Variants in WDR41 observed in about 807,000 individuals in gnomAD.
WDR41 encodes the protein WD repeat domain 41.
A neutral mutation model predicts 69.3 loss-of-function variants in WDR41; 63 were observed. The observed-to-expected ratio is 0.91, with a 90% confidence interval of 0.74 to 1.12. The LOEUF (loss-of-function observed/expected upper bound fraction) is 1.12. WDR41 is among the 50% of genes most tolerant of loss of function. WDR41 has a pLI of 0.00. For synonymous variants in WDR41, 185 were observed against 192.1 expected (o/e 0.96, Z 0.31); for missense variants, 543 against 534.5 (o/e 1.02, Z -0.16).
At chr5:77,466,580 A>G (rs1028448647) in intron 2 of WDR41, among the ~76,000 whole-genome samples, 8 of 151,926 alleles carry the variant, frequency 5.3e-5, no homozygotes, top group African/African-American at 1.4e-4. Context: ...TTTGACTTTC[A>G]TGAGTTCACA....
At chr5:77,489,798 G>GAA (rs1229534722) in intron 1 of WDR41, among the ~76,000 whole-genome samples, 11 of 151,972 alleles carry the variant, frequency 7.2e-5, no homozygotes, top group African/African-American at 2.2e-4. Context: ...TTCGAATCAT[G>GAA]AATTTTAGTA....
intron 8 of WDR41, among the ~76,000 whole-genome samples, chr5:77,445,923 G>A (rs1266420394): frequency 1.3e-5 from 2 of 152,100 alleles, no homozygotes; most frequent in African/African-American, 2.4e-5. Context: ...GTTCTGTCCA[G>A]GGCAATCAGG....
intron 2 of WDR41, among the ~76,000 whole-genome samples, chr5:77,488,031 A>G (rs1246608281): frequency 1.3e-5 from 2 of 152,178 alleles, no homozygotes; most frequent in African/African-American, 4.8e-5. Context: ...CCTAATTTGT[A>G]TCTTTTATAA....
At chr5:77,594,768 A>G (rs1343613957) in intron 1 of WDR41, among the ~76,000 whole-genome samples, 2 of 152,200 alleles carry the variant, frequency 1.3e-5, no homozygotes, top group Non-Finnish European at 2.9e-5. Flanking sequence ...TTAATTAACC[A>G]TTAATTATTT....
chr5:77,491,965 C>G, intron 1 of WDR41: 1 of 587,620 alleles, frequency 1.7e-6, no homozygotes, highest in Non-Finnish European at 2.9e-6. Context: ...CTCCAGGGTG[C>G]GCCTGGGGTC....
At chr5:77,611,922 A>C (rs1279820606) in intron 1 of WDR41, among the ~76,000 whole-genome samples, 1 of 152,190 alleles carries the variant, frequency 6.6e-6, no homozygotes, top group Non-Finnish European at 1.5e-5. Flanking sequence ...AAAAGAGAGA[A>C]GAATCAAATA....
chr5:77,498,153 T>C (rs1801962613), intron 1 of WDR41, among the ~76,000 whole-genome samples: 1 of 152,170 alleles, frequency 6.6e-6, no homozygotes, highest in African/African-American at 2.4e-5. Context: ...ATGAAAAACA[T>C]TTGTATATAG....
intron 2 of WDR41, among the ~76,000 whole-genome samples, chr5:77,487,781 G>C (rs540944890): frequency 1.3e-5 from 2 of 152,128 alleles, no homozygotes; most frequent in African/African-American, 2.4e-5. Flanking sequence ...AAAGGTTTGG[G>C]CTTTCTGCTA....
Position 77,619,198 on chromosome 5 carries a change from C to T in WDR41, c.42+1281G>A, listed in dbSNP as rs968245438. Among the ~76,000 whole-genome samples the T allele has an allele frequency of 3.9e-5, 6 of 152,116 alleles. No homozygotes were observed. The South Asian group carries it at 8.3e-4, about 21-fold the overall frequency. On this transcript the variant is annotated intron_variant, in intron 1 of 5. Transcript: ENST00000509971. The stretch of plus-strand genomic sequence containing the variant: ...TTTTACATGGAAAATCATTTGTTTC[C>T]TCTCTCACTTTTCTGGTACCTAAAG...
chr5:77,464,614 G>A (rs1353330553), intron 3 of WDR41, 147 bp downstream of exon 3: 1 of 795,428 alleles, frequency 1.3e-6, no homozygotes, highest in Non-Finnish European at 2.0e-6. Flanking sequence ...CACTGTATAT[G>A]GATTTATCCT....
At chr5:77,601,778 C>T (rs1744327909) in intron 1 of WDR41, among the ~76,000 whole-genome samples, 3 of 152,180 alleles carry the variant, frequency 2.0e-5, no homozygotes, top group Admixed American at 6.5e-5. Flanking sequence ...AGTTCCTTTT[C>T]CTATTCATAA....
chr5:77,571,586 C>A (rs1323011541), intron 1 of WDR41, among the ~76,000 whole-genome samples: 1 of 152,130 alleles, frequency 6.6e-6, no homozygotes, highest in Non-Finnish European at 1.5e-5. Context: ...AAAACTGCTC[C>A]AAGTTTTTGC....
intron 1 of WDR41, among the ~76,000 whole-genome samples, chr5:77,607,759 T>C (rs374106575): frequency 6.6e-6 from 1 of 152,368 alleles, no homozygotes; most frequent in South Asian, 2.1e-4. Context: ...AAATAACTTT[T>C]AAAGTATATG....
intron 4 of WDR41, among the ~76,000 whole-genome samples, chr5:77,460,677 A>G (rs897990100): frequency 1.7e-4 from 25 of 143,218 alleles, no homozygotes; most frequent in Admixed American, 7.7e-4. Context: ...TAAACACAAA[A>G]TTCATTTATT....
At chr5:77,495,298 T>C (rs891733749), upstream of WDR41, among the ~76,000 whole-genome samples, 4 of 151,076 alleles carry the variant, frequency 2.6e-5, no homozygotes, top group Non-Finnish European at 5.9e-5. Context: ...ATAAACAAAA[T>C]AGAGAATAGA....
chr5:77,578,478 A>T (rs752480426), intron 1 of WDR41, among the ~76,000 whole-genome samples: 7 of 152,196 alleles, frequency 4.6e-5, no homozygotes, highest in African/African-American at 7.2e-5. Flanking sequence ...TGGCCCATAC[A>T]TCTGATAGCA....
At chr5:77,525,542 C>CA (rs1056953490) in intron 1 of WDR41, among the ~76,000 whole-genome samples, 26 of 151,622 alleles carry the variant, frequency 1.7e-4, no homozygotes, top group African/African-American at 4.4e-4. Flanking sequence ...ACAGGAACCA[C>CA]AAAAAAAATG....
chr5:77,544,817 T>G (rs1743157489), intron 1 of WDR41, among the ~76,000 whole-genome samples: 1 of 152,080 alleles, frequency 6.6e-6, no homozygotes, highest in African/African-American at 2.4e-5. Flanking sequence ...TGGAACAAAT[T>G]GACTTAATAG....
intron 10 of WDR41, among the ~76,000 whole-genome samples, 177 bp downstream of exon 10, chr5:77,438,063 T>C (rs1269148158): frequency 6.6e-6 from 1 of 152,232 alleles, no homozygotes; most frequent in African/African-American, 2.4e-5. Flanking sequence ...GTAAATTCTG[T>C]AATATACTGC....
Sources: gnomAD v4.1 joint callset for allele counts (sites outside exome capture counted in the v4.1 genomes callset) on GRCh38, gnomAD v4.1.1 for gene constraint, MANE v1.5 for transcripts, NCBI Gene and HGNC (gene_info 2026-07-23, HGNC 2026-07-21) for gene names.